HPCAL1: variants seen among roughly 807,000 people sequenced by gnomAD.
HPCAL1 encodes the protein hippocalcin-like protein 1.
Under a neutral mutation model 17.1 loss-of-function variants are expected in HPCAL1, and 8 were observed. That is an observed-to-expected ratio of 0.47 (90% CI 0.27 to 0.84). HPCAL1 has a LOEUF of 0.84. Ranked by LOEUF, HPCAL1 falls within the 40% of genes least tolerant of loss-of-function variation. HPCAL1 has a pLI of 0.13. For missense variants in HPCAL1, 165 were observed against 271.1 expected, an observed-to-expected ratio of 0.61 and a Z score of 2.75; for synonymous variants, 112 against 111.4, an observed-to-expected ratio of 1.01 and a Z score of -0.03.
chr2:10,331,098 C>T lies in HPCAL1; in HGVS notation c.-111+27921C>T, dbSNP rs532707819. 9.2e-5 allele frequency among the ~76,000 whole-genome samples: 14 copies of T among 152,162 alleles called. No homozygotes were observed. Among genetic ancestry groups the T allele is most frequent in the East Asian group, 1.9e-4 (1 of 5,192 alleles). ...CCATCTGCTCTCCCGGCTGCAGGAG[C>T]GGTTTCTCTAAGCCTTGCAAGTGAC... On this transcript the variant is annotated intron_variant, in intron 1 of 4. Transcript: ENST00000307845. The surrounding 1 kb of genome is among the most constrained non-coding windows in gnomAD (Gnocchi z 5.0).
rs1055853244 is a variant in HPCAL1 at position 10,331,315 on chromosome 2, G to A, written c.-111+28138G>A. Among the ~76,000 whole-genome samples the A allele has an allele frequency of 1.3e-5, 2 of 152,016 alleles. No homozygotes were observed. Among genetic ancestry groups the A allele is most frequent in the East Asian group, 1.9e-4 (1 of 5,144 alleles). On this transcript the variant is annotated intron_variant, in intron 1 of 4. Transcript: ENST00000307845. This position sits in a 1 kb window ranked among gnomAD's most constrained non-coding sequence, Gnocchi z 5.0. ...CAGGCGCCCTTCCTGTCACCCGAGC[G>A]CCCTCTCCTTCCTCACCTCGCCACC... is the stretch of plus-strand genomic sequence containing the variant.
chr2:10,415,933 C>T (rs1011195186), intron 2 of HPCAL1, among the ~76,000 whole-genome samples: 4 of 152,226 alleles, frequency 2.6e-5, no homozygotes, highest in East Asian at 1.9e-4. Context: ...TGGCCCCACA[C>T]AGCAACCCGA....
chr2:10,416,967 G>A (rs13383253), intron 2 of HPCAL1, among the ~76,000 whole-genome samples: 42,888 of 152,008 alleles, frequency 0.28, 7,785 homozygotes, highest in African/African-American at 0.52. Flanking sequence ...GCTTGTCCTC[G>A]TCTGGGGCAA....
rs541843397 is a variant in HPCAL1, at chr2:10,313,555, G to C, written c.-111+10378G>C. Among the ~76,000 whole-genome samples the C allele has an allele frequency of 5.3e-5, 8 of 152,338 alleles. 1 individual carries two copies. The South Asian group carries it at 1.7e-3, about 32-fold the overall frequency. On this transcript the variant is annotated intron_variant, in intron 1 of 4. Transcript: ENST00000307845. Reference sequence around the variant, plus strand: ...TGGTGAGAGTTTGTTTTACGCATTTGTTAAAACTGTGGGACAGTGGTCTGG... The same window carrying C: ...TGGTGAGAGTTTGTTTTACGCATTTCTTAAAACTGTGGGACAGTGGTCTGG...
In HPCAL1 at chr2:10,351,828, A is replaced by G. The variant is rs112194870; in HGVS notation, c.-110-45007A>G. ...CTGAAAAAGGGGGCAGTGATTCTTT[A>G]CAAAATTGATCATGGTGATAAGCGA... On this transcript the variant is annotated intron_variant, in intron 1 of 4. Transcript: ENST00000307845. Among the ~76,000 whole-genome samples the G allele has an allele frequency of 9.5e-3, 1,452 of 152,240 alleles. 31 individuals are homozygous for G. The highest frequency in any genetic ancestry group is 0.033 in the African/African-American group (1,380 of 41,520).
At chr2:10,417,638 A>G (rs6727649) in intron 2 of HPCAL1, among the ~76,000 whole-genome samples, 150,805 of 152,346 alleles carry the variant, frequency 0.99, 74,639 homozygotes, top group East Asian at 1. Context: ...GGCAATGGCC[A>G]CCTGCACAGA....
At chr2:10,345,264 C>T (rs545044370) in intron 1 of HPCAL1, among the ~76,000 whole-genome samples, 2 of 152,228 alleles carry the variant, frequency 1.3e-5, no homozygotes, top group African/African-American at 2.4e-5. Flanking sequence ...ACTAGAGGAA[C>T]CTTTTTCCCA....
At chr2:10,345,565 T>C (rs1188267072) in intron 1 of HPCAL1, among the ~76,000 whole-genome samples, 1 of 151,730 alleles carries the variant, frequency 6.6e-6, no homozygotes, top group Non-Finnish European at 1.5e-5. Flanking sequence ...CAAGCGATTC[T>C]CCCACCTCAG....
chr2:10,349,244 G>A (rs972049657), intron 1 of HPCAL1, among the ~76,000 whole-genome samples: 5 of 152,136 alleles, frequency 3.3e-5, no homozygotes, highest in East Asian at 1.9e-4. Flanking sequence ...TTATTAGAAC[G>A]TCTCAAACAT....
intron 1 of HPCAL1, among the ~76,000 whole-genome samples, chr2:10,378,234 T>G (rs1327007881): frequency 1.3e-5 from 2 of 150,186 alleles, no homozygotes; most frequent in African/African-American, 4.9e-5. Flanking sequence ...TTTTTTTTTT[T>G]TTTTTTTTTT....
chr2:10,391,138 T>G (rs1490879038), intron 1 of HPCAL1, among the ~76,000 whole-genome samples: 3 of 152,218 alleles, frequency 2.0e-5, no homozygotes, highest in East Asian at 1.9e-4. Context: ...CGGCCTAGGT[T>G]TGCAGGGCCT....
In HPCAL1 at chr2:10,427,576, C is replaced by T. The variant is rs935159331; in HGVS notation, c.*755C>T. The T allele has an allele frequency of 6.6e-6, 1 of 152,246 alleles. No individual in the cohort carries two copies. The highest frequency in any genetic ancestry group is 2.4e-5 in the African/African-American group (1 of 41,446). The allele number at this position is 152,246 out of a possible 1,614,324, so 9.4% of individuals were successfully genotyped here. On this transcript the variant is annotated 3_prime_UTR_variant, in exon 5 of 5. Coordinates refer to ENST00000307845, the MANE Select transcript of HPCAL1 (RefSeq NM_002149.4). ...CTGTCCTCCCTGTTGATTGGTCTGG[C>T]ATTTCCGGTATTAAAATGATAAAAT...
chr2:10,352,744 C>T (rs188802342), intron 1 of HPCAL1, among the ~76,000 whole-genome samples: 52 of 152,306 alleles, frequency 3.4e-4, no homozygotes, highest in African/African-American at 1.2e-3. Flanking sequence ...GGCCTGGTGC[C>T]CCCCATCAGG....
rs1558518757 is a variant in HPCAL1, at chr2:10,399,532, C to CAT, written c.-25+2612_-25+2613insAT. ...ACCACCGCCGCCACCACCGCCACTGCCACCGCCACCATCACCGCCACCACT... is the reference window on the plus strand; with the variant it reads ...ACCACCGCCGCCACCACCGCCACTGCATCACCGCCACCATCACCGCCACCACT... On this transcript the variant is annotated intron_variant, in intron 2 of 4. Coordinates refer to ENST00000307845, the MANE Select transcript of HPCAL1 (RefSeq NM_002149.4). Among the ~76,000 whole-genome samples the CAT allele has an allele frequency of 2.7e-3, 303 of 111,952 alleles. 3 individuals are homozygous for CAT. Among genetic ancestry groups the CAT allele is most frequent in the Admixed American group, 4.3e-3 (51 of 11,730 alleles). The allele number at this position is 111,952 out of a possible 152,430, so 73.4% of individuals were successfully genotyped here.
intron 2 of HPCAL1, among the ~76,000 whole-genome samples, chr2:10,411,371 C>G (rs1670342410): frequency 6.6e-6 from 1 of 152,216 alleles, no homozygotes. Context: ...GTGGAGCTGA[C>G]ATTGCCTCCT....
In HPCAL1 at chr2:10,399,537, G is replaced by GCCA. The variant is rs1558518787; in HGVS notation, c.-25+2621_-25+2623dup. ...CGCCGCCACCACCGCCACTGCCACC[G>GCCA]CCACCATCACCGCCACCACTACCGC... On this transcript the variant is annotated intron_variant, in intron 2 of 4. Transcript: ENST00000307845. Among the ~76,000 whole-genome samples, 20 of 34,960 alleles carry GCCA rather than the reference G, an allele frequency of 5.7e-4. 1 individual carries two copies. In the East Asian group the frequency reaches 0.011, roughly 19 times the overall value. The allele number at this position is 34,960 out of a possible 152,430, so 22.9% of individuals were successfully genotyped here.
rs527940257 is a variant in HPCAL1 at position 10,304,116 on chromosome 2, C to T, written c.-111+939C>T. ...AGTTTAGCTGCCAGCTGCGCTGCCT[C>T]CTGCAGCACCTCCCGGGCGGCGCCG... is the stretch of plus-strand genomic sequence containing the variant. On this transcript the variant is annotated intron_variant, in intron 1 of 4. Transcript: ENST00000307845. This position sits in a 1 kb window ranked among gnomAD's most constrained non-coding sequence, Gnocchi z 4.1. Among the ~76,000 whole-genome samples, 12 of 152,342 alleles carry T rather than the reference C, an allele frequency of 7.9e-5. No homozygotes were observed. Among genetic ancestry groups the T allele is most frequent in the Non-Finnish European group, 1.6e-4 (11 of 68,018 alleles).
chr2:10,334,694 A>G (rs1664603366), intron 1 of HPCAL1, among the ~76,000 whole-genome samples: 1 of 122,694 alleles, frequency 8.2e-6, no homozygotes, highest in Non-Finnish European at 1.7e-5. Context: ...AATTCCATTG[A>G]CTTTTTTTTG....
chr2:10,399,370 T>TCAC (rs1558518083), intron 2 of HPCAL1, among the ~76,000 whole-genome samples: 1 of 1,416 alleles, frequency 7.1e-4, no homozygotes, highest in Non-Finnish European at 1.3e-3. Context: ...ACTACCATCA[T>TCAC]CACCACCACC....
Sources: allele counts gnomAD v4.1 joint callset (sites outside exome capture counted in the v4.1 genomes callset), GRCh38; gene constraint gnomAD v4.1.1; non-coding constraint Gnocchi (gnomAD v3.1); transcripts MANE v1.5; gene names NCBI Gene and HGNC (gene_info 2026-07-23, HGNC 2026-07-21).